The following TSC1 variants were observed in gnomAD, a reference collection of about 807,000 sequenced individuals.
TSC1 encodes TSC complex subunit 1.
A neutral mutation model predicts 124.3 loss-of-function variants in TSC1; 20 were observed. The ratio of observed to expected loss-of-function variants is 0.16; its 90% CI spans 0.11 to 0.23. The LOEUF (loss-of-function observed/expected upper bound fraction) is 0.23. Ranked by LOEUF, TSC1 falls within the 10% of genes least tolerant of loss-of-function variation. The pLI is 1.00. For missense variants in TSC1, 1,124 were observed against 1,448.5 expected (o/e 0.78, Z 3.64); for synonymous variants, 493 against 539.1 (o/e 0.91, Z 1.19).
In TSC1 at chr9:132,913,903, T is replaced by G. The variant is rs1182511084; in HGVS notation, c.738-1446A>C. Among the ~76,000 whole-genome samples, 109 of 137,904 alleles carry G rather than the reference T, an allele frequency of 7.9e-4. 1 individual carries two copies. The highest frequency in any genetic ancestry group is 2.7e-3 in the African/African-American group (101 of 36,786). 90.5% of individuals were successfully genotyped at this position (137,904 alleles called of 152,430 possible). A position where few individuals can be genotyped will look rare whatever the true frequency, so the allele number is the denominator to read the frequency against. On this transcript the variant is annotated intron_variant, in intron 8 of 22. Coordinates refer to ENST00000298552, the MANE Select transcript of TSC1 (RefSeq NM_000368.5). Reference sequence around the variant, plus strand: ...TTTGTTTTGTTTTGTTTTTTTTTTTTTTTTTTTTTTTTTTAGACAGAGTCT... The same window carrying G: ...TTTGTTTTGTTTTGTTTTTTTTTTTGTTTTTTTTTTTTTTAGACAGAGTCT...
rs1353128389 is a variant in TSC1 at position 132,906,566 on chromosome 9, A to T, written c.1438+165T>A. On this transcript the variant is annotated intron_variant, in intron 14 of 22. Coordinates refer to ENST00000298552, the MANE Select transcript of TSC1 (RefSeq NM_000368.5). This position sits in a 1 kb window ranked among gnomAD's most constrained non-coding sequence, Gnocchi z 4.1. ...CCTGTCTCAAAAAAAAAAAAAAAAA[A>T]AGTGGCATCACTTTACCTGGCATAG... 6.5e-6 allele frequency: 4 copies of T among 619,706 alleles called. No homozygotes were observed. The highest frequency in any genetic ancestry group is 5.6e-5 in the African/African-American group (3 of 53,436). 38.4% of individuals were successfully genotyped at this position (619,706 alleles called of 1,614,324 possible).
Position 132,894,985 on chromosome 9 carries a change from G to C in TSC1, c.*1250C>G, listed in dbSNP as rs1339169702. On this transcript the variant is annotated 3_prime_UTR_variant, in exon 23 of 23. Transcript: ENST00000298552. ...ATTTTCTGACTAGTGTCATCTCTCG[G>C]GAGCACGTGGGGCAGCCTAGTGGGT... is the stretch of plus-strand genomic sequence containing the variant. 4.3e-6 allele frequency: 1 copy of C among 232,152 alleles called. No individual in the cohort carries two copies. The highest frequency in any genetic ancestry group is 8.5e-6 in the Non-Finnish European group (1 of 117,272). 14.4% of individuals were successfully genotyped at this position (232,152 alleles called of 1,614,324 possible).
chr9:132,904,269 C>T, intron 16 of TSC1, 142 bp downstream of exon 16: 1 of 931,608 alleles, frequency 1.1e-6, no homozygotes, highest in South Asian at 1.4e-5. Context: ...ACTTGAGATC[C>T]TTTAGCCAAG....
At chr9:132,907,819 G>A (rs916891494) in intron 12 of TSC1, among the ~76,000 whole-genome samples, 1 of 152,130 alleles carries the variant, frequency 6.6e-6, no homozygotes, top group Non-Finnish European at 1.5e-5. Context: ...GGGCGTGGTG[G>A]CCCACGCCTG....
intron 2 of TSC1, among the ~76,000 whole-genome samples, chr9:132,934,116 A>G (rs1847337226): frequency 1.3e-5 from 2 of 152,220 alleles, no homozygotes. Context: ...TGAGGCAGAC[A>G]GTGACAGAAT....
chr9:132,915,008 C>T (rs1025460700), intron 8 of TSC1, among the ~76,000 whole-genome samples: 2 of 151,914 alleles, frequency 1.3e-5, no homozygotes, highest in African/African-American at 2.4e-5. Flanking sequence ...GACCACACCC[C>T]ATCTCTACAA....
At position 132,901,628 on chromosome 9, in the gene TSC1, C is replaced by G. The variant is rs764014190; in HGVS notation, c.2463G>C (p.Val821=). The stretch of plus-strand genomic sequence containing the variant: ...GACTGAGCAGCAGCTCAGTGTGACA[C>G]ACCTTGTTGTTGGCCTTCTTCAGTT... The part of the protein sequence containing the change: ...RIELKKANNK[V]CHTELLLSQV... The change falls in exon 19 of 23, where the codon GTG becomes GTC. Residue 821 remains valine (V), a synonymous_variant. Coordinates refer to ENST00000298552, the MANE Select transcript of TSC1 (RefSeq NM_000368.5). The G allele has an allele frequency of 1.9e-6, 3 of 1,614,162 alleles. No homozygotes were observed. The highest frequency in any genetic ancestry group is 2.5e-6 in the Non-Finnish European group (3 of 1,180,044).
intron 10 of TSC1, 131 bp from the exon 11 acceptor site, chr9:132,911,244 A>T: frequency 1.2e-6 from 1 of 851,868 alleles, no homozygotes. Flanking sequence ...TTAAAAGCGT[A>T]TCAAGAAACA....
intron 20 of TSC1, among the ~76,000 whole-genome samples, 187 bp from the exon 21 acceptor site, chr9:132,897,797 A>G (rs373935977): frequency 6.6e-6 from 1 of 152,318 alleles, no homozygotes; most frequent in African/African-American, 2.4e-5. Context: ...CTTCCTTGAA[A>G]TCTATCCCCA....
In TSC1 at chr9:132,897,487, C is replaced by G. The variant is rs397514873; in HGVS notation, c.2749G>C (p.Ala917Pro). Residue 917 changes from alanine to proline, a missense_variant, in exon 21 of 23, where the codon GCC becomes CCC. Ala to Pro is a conservative substitution (Grantham distance 27, BLOSUM62 -1). Coordinates refer to ENST00000298552, the MANE Select transcript of TSC1 (RefSeq NM_000368.5). ...TCCAAAAGAAGGTGGTCTTTCTTGG[C>G]CAGGTGAGATTCCAGTTCCAAAATC... ...KRILELESHL[A>P]KKDHLLLEQK... 14 of 1,614,058 alleles carry G rather than the reference C, an allele frequency of 8.7e-6. No individual in the cohort carries two copies. The highest frequency in any genetic ancestry group is 1.2e-5 in the Non-Finnish European group (14 of 1,179,998).
At chr9:132,910,902 T>A (rs1845920848) in intron 11 of TSC1, 100 bp downstream of exon 11, 1 of 1,355,786 alleles carries the variant, frequency 7.4e-7, no homozygotes, top group Non-Finnish European at 1.1e-6. Flanking sequence ...AAAAACAAGT[T>A]TACAACAGCA....
At chr9:132,931,317 G>C (rs757045560) in intron 2 of TSC1, 2 of 152,176 alleles carry the variant, frequency 1.3e-5, no homozygotes, top group Non-Finnish European at 2.9e-5. Context: ...GGAGTGACAT[G>C]AGCTCAATTT....
intron 3 of TSC1, 111 bp downstream of exon 3, chr9:132,928,655 TA>T: frequency 7.0e-7 from 1 of 1,424,942 alleles, no homozygotes; most frequent in Non-Finnish European, 9.6e-7. Context: ...TTTGGGTGTT[TA>T]AAAAACTTTT....
chr9:132,895,481 A>G lies in TSC1; in HGVS notation c.*754T>C. On this transcript the variant is annotated 3_prime_UTR_variant, in exon 23 of 23. Coordinates refer to ENST00000298552, the MANE Select transcript of TSC1 (RefSeq NM_000368.5). ...ACCAGCCTGTGGTCACAATAGTACC[A>G]GCATTCAAGCAAACACCAAATAAAT... The G allele has an allele frequency of 4.3e-6, 1 of 233,936 alleles. No homozygotes were observed. Among genetic ancestry groups the G allele is most frequent in the Non-Finnish European group, 8.5e-6 (1 of 118,266 alleles). The allele number at this position is 233,936 out of a possible 1,614,324, so 14.5% of individuals were successfully genotyped here.
rs147484148 is a variant in TSC1 at position 132,920,013 on chromosome 9, G to A, written c.737+1350C>T. ...CTATTCCTGAGAGCTGAAAGCAGGC[G>A]CAGAGAGCAGCTTCCCTGCCTGCCA... On this transcript the variant is annotated intron_variant, in intron 8 of 22. Transcript: ENST00000298552. 2.0e-4 allele frequency among the ~76,000 whole-genome samples: 31 copies of A among 152,330 alleles called. 1 individual carries two copies. Among genetic ancestry groups the A allele is most frequent in the African/African-American group, 6.7e-4 (28 of 41,578 alleles).
chr9:132,895,961 A>T lies in TSC1; in HGVS notation c.*274T>A. 1.9e-6 allele frequency: 1 copy of T among 518,614 alleles called. No homozygotes were observed. Among genetic ancestry groups the T allele is most frequent in the Non-Finnish European group, 3.5e-6 (1 of 285,740 alleles). 32.1% of individuals were successfully genotyped at this position (518,614 alleles called of 1,614,324 possible). On this transcript the variant is annotated 3_prime_UTR_variant, in exon 23 of 23. Transcript: ENST00000298552. ...TTTGGGGGGGAAAGGAAGAAAGTAAAGCTACTGAGGAACACCAACTGGCCC... is the reference window on the plus strand; with the variant it reads ...TTTGGGGGGGAAAGGAAGAAAGTAATGCTACTGAGGAACACCAACTGGCCC...
Position 132,903,591 on chromosome 9 carries a change from T to A in TSC1, c.2208+60A>T. ...CTCGGCTGCTGTGCTTTATAAGCTATCATGCTGACCCAAAACAAAACAAAA... is the reference window on the plus strand; with the variant it reads ...CTCGGCTGCTGTGCTTTATAAGCTAACATGCTGACCCAAAACAAAACAAAA... On this transcript the variant is annotated intron_variant, in intron 17 of 22. Coordinates refer to ENST00000298552, the MANE Select transcript of TSC1 (RefSeq NM_000368.5). The surrounding 1 kb of genome is among the most constrained non-coding windows in gnomAD (Gnocchi z 5.9). The A allele has an allele frequency of 6.2e-7, 1 of 1,610,900 alleles. No individual in the cohort carries two copies. The highest frequency in any genetic ancestry group is 8.5e-7 in the Non-Finnish European group (1 of 1,179,286).
intron 8 of TSC1, among the ~76,000 whole-genome samples, chr9:132,914,436 G>A (rs1287674406): frequency 6.6e-6 from 1 of 151,932 alleles, no homozygotes. Context: ...AGAAGTGGGG[G>A]AAGAGACACA....
chr9:132,892,638 T>G lies in TSC1; in HGVS notation c.*3597A>C, dbSNP rs1454757790. The G allele has an allele frequency of 1.3e-5, 3 of 233,304 alleles. No individual in the cohort carries two copies. The East Asian group carries it at 1.8e-4, about 14-fold the overall frequency. The allele number at this position is 233,304 out of a possible 1,614,324, so 14.5% of individuals were successfully genotyped here. On this transcript the variant is annotated 3_prime_UTR_variant, in exon 23 of 23. Coordinates refer to ENST00000298552, the MANE Select transcript of TSC1 (RefSeq NM_000368.5). Reference sequence around the variant, plus strand: ...GTGCAGGCCTCCTCCCACCTCTTAGTGCTTTCAGCGAGAAAAGGTGAGTCT... The same window carrying G: ...GTGCAGGCCTCCTCCCACCTCTTAGGGCTTTCAGCGAGAAAAGGTGAGTCT...
Sources: allele counts gnomAD v4.1 joint callset (sites outside exome capture counted in the v4.1 genomes callset), GRCh38; gene constraint gnomAD v4.1.1; non-coding constraint Gnocchi (gnomAD v3.1); transcripts MANE v1.5; gene names NCBI Gene and HGNC (gene_info 2026-07-23, HGNC 2026-07-21).